Variants in NBAS observed in about 807,000 individuals in gnomAD.
NBAS encodes the protein NAG/BC035112 fusion.
In NBAS, 219 loss-of-function variants were observed where a neutral mutation model predicts 302.5. The observed-to-expected ratio is 0.72, with a 90% CI of 0.65 to 0.81. NBAS has a LOEUF of 0.81. Ranked by LOEUF, NBAS falls within the 30% of genes least tolerant of loss-of-function variation. The probability of loss-of-function intolerance (pLI) is 0.00; values close to 1 mark genes in which losing one functional copy is unlikely to be tolerated. For synonymous variants in NBAS, 1,118 were observed against 1,021.6 expected (o/e 1.09, Z -1.80); for missense variants, 2,932 against 2,841.6 (o/e 1.03, Z -0.72).
At chr2:14,784,945 C>T in the NBAS span, among the ~76,000 whole-genome samples, 36 of 152,274 alleles carry the variant, frequency 2.4e-4, no homozygotes, top group Non-Finnish European at 4.3e-4. Flanking sequence ...TTCTTCCTAC[C>T]CATGAGCATG....
At chr2:14,868,389 GA>G in the NBAS span, among the ~76,000 whole-genome samples, 2,650 of 152,186 alleles carry the variant, frequency 0.017, 74 homozygotes, top group African/African-American at 0.06. Context: ...AGAATATGTT[GA>G]AAATGACTAA....
the NBAS span, among the ~76,000 whole-genome samples, chr2:14,932,735 C>T: frequency 1.3e-5 from 2 of 152,184 alleles, no homozygotes; most frequent in Non-Finnish European, 2.9e-5. Context: ...GAGGCTGTGG[C>T]CAGACTGCTG....
At chr2:14,992,606 T>C in the NBAS span, among the ~76,000 whole-genome samples, 1 of 152,216 alleles carries the variant, frequency 6.6e-6, no homozygotes, top group Non-Finnish European at 1.5e-5. Flanking sequence ...GCAAGAAGTG[T>C]CCAGGCTTGT....
At chr2:14,965,454 G>C in the NBAS span, among the ~76,000 whole-genome samples, 1 of 152,118 alleles carries the variant, frequency 6.6e-6, no homozygotes, top group African/African-American at 2.4e-5. Context: ...TGAAAGACAC[G>C]CACTATCAAA....
Position 15,366,656 on chromosome 2 carries a change from C to T in NBAS, c.3741G>A (p.Glu1247=). 1.9e-6 allele frequency: 3 copies of T among 1,614,116 alleles called. No homozygotes were observed. Among genetic ancestry groups the T allele is most frequent in the South Asian group, 1.1e-5 (1 of 91,082 alleles). Residue 1247 remains glutamate (E), a synonymous_variant, in exon 32 of 52, where the codon GAG becomes GAA. Transcript: ENST00000281513. The stretch of plus-strand genomic sequence containing the variant: ...AGCATGTGGGGGACTGGGAAATACA[C>T]TCCTTGATGAGACTGATCCGATCAG... ...LCPDRISLIK[E]CISQSPTCYK... is the part of the protein sequence containing the mutation.
intron 11 of NBAS, among the ~76,000 whole-genome samples, chr2:15,499,242 T>C (rs1327182703): frequency 6.6e-6 from 1 of 152,198 alleles, no homozygotes; most frequent in Admixed American, 6.5e-5. Flanking sequence ...GTAGTTCTTA[T>C]AGCAGTGTGA....
the NBAS span, among the ~76,000 whole-genome samples, chr2:14,974,212 T>C: frequency 6.6e-6 from 1 of 152,230 alleles, no homozygotes; most frequent in Non-Finnish European, 1.5e-5. Flanking sequence ...GTCTTCCCTG[T>C]CTTTGGAAAC....
chr2:15,340,226 G>A (rs982375085), intron 35 of NBAS, among the ~76,000 whole-genome samples: 1 of 152,158 alleles, frequency 6.6e-6, no homozygotes, highest in African/African-American at 2.4e-5. Context: ...TGACTCTAGG[G>A]GAGATATGAT....
At chr2:15,467,901 C>A (rs2148573202) in intron 17 of NBAS, 97 bp from the exon 18 acceptor site, 1 of 1,073,728 alleles carries the variant, frequency 9.3e-7, no homozygotes, top group Non-Finnish European at 1.4e-6. Flanking sequence ...TTATTGATTT[C>A]CACAAAAACA....
chr2:14,948,241 C>T, the NBAS span, among the ~76,000 whole-genome samples: 2 of 151,884 alleles, frequency 1.3e-5, no homozygotes, highest in African/African-American at 4.8e-5. Context: ...GGAAGTATTA[C>T]CTTCTTTTCC....
chr2:15,396,521 T>G (rs1220982551), intron 26 of NBAS, 46 bp from the exon 27 acceptor site: 2 of 1,327,688 alleles, frequency 1.5e-6, no homozygotes, highest in Admixed American at 4.7e-5. Flanking sequence ...AGTTTAGTAT[T>G]AGCTTTTTAA....
At chr2:14,920,150 T>C in the NBAS span, among the ~76,000 whole-genome samples, 21 of 152,238 alleles carry the variant, frequency 1.4e-4, no homozygotes, top group Non-Finnish European at 2.9e-5. Context: ...ATGGATATTG[T>C]GGCAGCAGGC....
chr2:15,111,019 G>A, the NBAS span, among the ~76,000 whole-genome samples: 1 of 152,094 alleles, frequency 6.6e-6, no homozygotes, highest in Non-Finnish European at 1.5e-5. Context: ...AAACATATTT[G>A]ATTCAGTGGT....
chr2:15,529,347 G>A (rs1663107125), intron 9 of NBAS, among the ~76,000 whole-genome samples: 1 of 151,976 alleles, frequency 6.6e-6, no homozygotes, highest in South Asian at 2.1e-4. Context: ...AAAATCAACA[G>A]CCAAGTGTGG....
chr2:15,297,402 T>C (rs1198983788), intron 40 of NBAS, among the ~76,000 whole-genome samples: 1 of 152,200 alleles, frequency 6.6e-6, no homozygotes, highest in East Asian at 1.9e-4. Context: ...TCTCGAATTG[T>C]AATCCCCATG....
the NBAS span, among the ~76,000 whole-genome samples, chr2:14,966,254 C>T: frequency 2.0e-5 from 3 of 152,314 alleles, no homozygotes; most frequent in Admixed American, 6.5e-5. Context: ...TACTTTGTAA[C>T]GGCAGCCCGA....
intron 44 of NBAS, among the ~76,000 whole-genome samples, chr2:15,259,486 T>G (rs1462707200): frequency 6.6e-6 from 1 of 152,238 alleles, no homozygotes; most frequent in Non-Finnish European, 1.5e-5. Flanking sequence ...AATAGGCTCC[T>G]CAACCCCTCT....
At chr2:15,116,062 A>C in the NBAS span, among the ~76,000 whole-genome samples, 2 of 152,204 alleles carry the variant, frequency 1.3e-5, no homozygotes, top group African/African-American at 4.8e-5. Context: ...CTGGGAGGAT[A>C]ACAGCCACAA....
At chr2:15,034,278 G>GAAA in the NBAS span, among the ~76,000 whole-genome samples, 1 of 127,392 alleles carries the variant, frequency 7.8e-6, no homozygotes, top group South Asian at 2.8e-4. Context: ...GAAAGAAAGA[G>GAAA]AGAAAGAAAG....
Sources: allele counts gnomAD v4.1 joint callset (sites outside exome capture counted in the v4.1 genomes callset), GRCh38; gene constraint gnomAD v4.1.1; transcripts MANE v1.5; gene names NCBI Gene and HGNC (gene_info 2026-07-23, HGNC 2026-07-21).